COL4A2: variants seen among roughly 807,000 people sequenced by gnomAD.
COL4A2 encodes collagen type IV alpha 2 chain.
In COL4A2, 99 loss-of-function variants were observed where a neutral mutation model predicts 200.2. That is an observed-to-expected ratio of 0.49 (90% CI 0.42 to 0.58). COL4A2 has a LOEUF of 0.58. Among genes scored for constraint, COL4A2 ranks in the 20% least tolerant of loss-of-function variants. COL4A2 has a pLI of 0.00. For synonymous variants in COL4A2, 897 were observed against 900.6 expected (o/e 1.00, Z 0.07); for missense variants, 1,950 against 2,314.1 (o/e 0.84, Z 3.23).
At chr13:110,429,864 T>C (rs759563517) in intron 7 of COL4A2, 21 bp from the exon 8 acceptor site, 1 of 1,612,392 alleles carries the variant, frequency 6.2e-7, no homozygotes, top group Admixed American at 1.7e-5. Flanking sequence ...TTTTTCTTTT[T>C]ACAATATATC....
chr13:110,392,031 TG>T (rs1408028025), intron 4 of COL4A2, among the ~76,000 whole-genome samples: 1 of 152,172 alleles, frequency 6.6e-6, no homozygotes, highest in Non-Finnish European at 1.5e-5. Flanking sequence ...AGGGTGGATT[TG>T]GAGGGGAGTG....
At chr13:110,411,654 T>TCCATGAACC (rs1357614624) in intron 4 of COL4A2, among the ~76,000 whole-genome samples, 10 of 152,186 alleles carry the variant, frequency 6.6e-5, no homozygotes, top group Non-Finnish European at 1.5e-4. Context: ...TGTACGGATT[T>TCCATGAACC]CCATGAACCC....
intron 29 of COL4A2, 200 bp from the exon 30 acceptor site, chr13:110,477,803 C>T (rs1382960150): frequency 2.3e-6 from 1 of 429,762 alleles, no homozygotes; most frequent in Non-Finnish European, 4.0e-6. Flanking sequence ...GAAGGAAATT[C>T]CCAGTGGTAG....
In COL4A2 at chr13:110,480,290, T is replaced by G; in HGVS notation, c.2658T>G (p.Ser886=). 6.2e-7 allele frequency: 1 copy of G among 1,613,968 alleles called. No homozygotes were observed. The highest frequency in any genetic ancestry group is 1.7e-4 in the Middle Eastern group (1 of 6,056). ...APGPVGMKGL[S]GDRGDAGFTG... ...GCCCTGTGGGCATGAAAGGTCTCTC[T>G]GGTGACAGAGGAGATGCTGGCTTCA... is the stretch of plus-strand genomic sequence containing the variant. The change falls in exon 31 of 48, where the codon TCT becomes TCG. Residue 886 remains serine, a synonymous_variant. Transcript: ENST00000360467.
Position 110,478,122 on chromosome 13 carries a change from C to G in COL4A2, c.2545C>G (p.Gln849Glu), listed in dbSNP as rs1161550147. The stretch of plus-strand genomic sequence containing the variant: ...GCATGGATTCCCAGGAGCTCCTGGC[C>G]AAGAGGGGCCCTTGGGGCTGCCAGG... ...GLHGFPGAPG[Q>E]EGPLGLPGIP... Residue 849 changes from glutamine (Q) to glutamate (E), a missense_variant, in exon 30 of 48, where the codon CAA becomes GAA. Physicochemically the swap from Gln to Glu is conservative, Grantham distance 29. This residue lies in a region of COL4A2 where 1,385 missense variants were observed against 1,720.5 expected (regional missense o/e 0.80). Coordinates refer to ENST00000360467, the MANE Select transcript of COL4A2 (RefSeq NM_001846.4). 6.3e-7 allele frequency: 1 copy of G among 1,597,672 alleles called. No individual in the cohort carries two copies. The highest frequency in any genetic ancestry group is 8.5e-7 in the Non-Finnish European group (1 of 1,170,500).
chr13:110,393,060 C>G (rs988753218), intron 4 of COL4A2, among the ~76,000 whole-genome samples: 3 of 152,152 alleles, frequency 2.0e-5, no homozygotes, highest in African/African-American at 4.8e-5. Flanking sequence ...TTGATCTCCC[C>G]CTGGTGTCGC....
intron 4 of COL4A2, among the ~76,000 whole-genome samples, chr13:110,370,138 C>G (rs1235449710): frequency 6.6e-6 from 1 of 151,648 alleles, no homozygotes; most frequent in Admixed American, 6.6e-5. Flanking sequence ...GTCCTAGAAT[C>G]ACATCACTCT....
At chr13:110,378,174 T>C (rs896079180) in intron 4 of COL4A2, among the ~76,000 whole-genome samples, 1 of 152,258 alleles carries the variant, frequency 6.6e-6, no homozygotes, top group African/African-American at 2.4e-5. Flanking sequence ...TTCTGCTTTC[T>C]TGGCTAAAAT....
chr13:110,368,936 C>A (rs1039739121), intron 4 of COL4A2, among the ~76,000 whole-genome samples: 2 of 151,830 alleles, frequency 1.3e-5, no homozygotes, highest in Non-Finnish European at 2.9e-5. Flanking sequence ...AGGCCAGGCG[C>A]GGTGGCTCGC....
chr13:110,420,080 G>A (rs1277474192), intron 4 of COL4A2, among the ~76,000 whole-genome samples: 3 of 152,118 alleles, frequency 2.0e-5, no homozygotes, highest in African/African-American at 7.2e-5. Flanking sequence ...CAGGAGTTCT[G>A]GGGCCAGGCC....
At chr13:110,309,828 A>G (rs1884922433) in intron 3 of COL4A2, among the ~76,000 whole-genome samples, 2 of 148,942 alleles carry the variant, frequency 1.3e-5, no homozygotes, top group Admixed American at 6.6e-5. Flanking sequence ...TGTCTCTACT[A>G]AAATACAAAA....
intron 4 of COL4A2, among the ~76,000 whole-genome samples, chr13:110,409,426 T>G (rs1159467189): frequency 6.6e-6 from 1 of 152,250 alleles, no homozygotes; most frequent in African/African-American, 2.4e-5. Flanking sequence ...TTGTTCCTAA[T>G]GAACCGCGTG....
chr13:110,460,172 T>C (rs1340024671), intron 22 of COL4A2, among the ~76,000 whole-genome samples: 1 of 152,084 alleles, frequency 6.6e-6, no homozygotes, highest in Non-Finnish European at 1.5e-5. Context: ...CAAGGAAACT[T>C]AAAGGATCTG....
At chr13:110,403,951 G>T (rs1879469371) in intron 4 of COL4A2, among the ~76,000 whole-genome samples, 1 of 152,206 alleles carries the variant, frequency 6.6e-6, no homozygotes, top group South Asian at 2.1e-4. Flanking sequence ...CTGCTTCATA[G>T]ACAGTGCCTT....
chr13:110,457,787 A>G, intron 21 of COL4A2: 2 of 484,138 alleles, frequency 4.1e-6, no homozygotes, highest in Admixed American at 2.3e-5. Flanking sequence ...GCTCAGCTCC[A>G]AGGCATTGTA....
In COL4A2 at chr13:110,430,594, C is replaced by T. The variant is rs1035460729; in HGVS notation, c.635C>T (p.Ala212Val). 7 of 1,614,108 alleles carry T rather than the reference C, an allele frequency of 4.3e-6. No individual in the cohort carries two copies. Among genetic ancestry groups the T allele is most frequent in the Non-Finnish European group, 5.9e-6 (7 of 1,180,034 alleles). Residue 212 changes from alanine to valine, a missense_variant, in exon 10 of 48, where the codon GCT becomes GTT. Around this residue, in one of 2 missense-constraint regions of COL4A2, gnomAD observed 565 missense variants for 593.5 expected, o/e 0.95. Transcript: ENST00000360467. ...GHVGQMGPVGAPGRPGPPGPP... is the reference protein window; with the variant it reads ...GHVGQMGPVGVPGRPGPPGPP... ...GTGGGACAGATGGGTCCAGTTGGAGCTCCAGGGAGACCAGTAAGTACCTGG... is the reference window on the plus strand; with the variant it reads ...GTGGGACAGATGGGTCCAGTTGGAGTTCCAGGGAGACCAGTAAGTACCTGG...
In COL4A2 at chr13:110,361,555, G is replaced by A. The variant is rs565883532; in HGVS notation, c.180+4003G>A. On this transcript the variant is annotated intron_variant, in intron 4 of 47. Coordinates refer to ENST00000360467, the MANE Select transcript of COL4A2 (RefSeq NM_001846.4). Reference sequence around the variant, plus strand: ...CGTCACCATGGTGACAGCCAACATCGGAAGTTGTACGTCACTGGATAACTT... The same window carrying A: ...CGTCACCATGGTGACAGCCAACATCAGAAGTTGTACGTCACTGGATAACTT... 4.6e-5 allele frequency among the ~76,000 whole-genome samples: 7 copies of A among 152,338 alleles called. No homozygotes were observed. The South Asian group carries it at 8.3e-4, about 18-fold the overall frequency.
chr13:110,355,433 C>G (rs1351185278), intron 3 of COL4A2, among the ~76,000 whole-genome samples: 34 of 70,262 alleles, frequency 4.8e-4, no homozygotes, highest in Admixed American at 1.3e-3. Context: ...GAGGGCTGTA[C>G]TAGCTCACCT....
intron 4 of COL4A2, among the ~76,000 whole-genome samples, chr13:110,368,660 T>C (rs77957290): frequency 0.01 from 1,582 of 152,248 alleles, 38 homozygotes; most frequent in African/African-American, 0.036. Context: ...GTGATACCCA[T>C]CTGCTCATCT....
Sources: allele counts gnomAD v4.1 joint callset (sites outside exome capture counted in the v4.1 genomes callset), GRCh38; gene constraint gnomAD v4.1.1; regional missense constraint gnomAD v4.1.1; transcripts MANE v1.5; gene names NCBI Gene and HGNC (gene_info 2026-07-23, HGNC 2026-07-21).